The following ASTN2 variants were observed in gnomAD, a reference collection of about 807,000 sequenced individuals.
The protein encoded by ASTN2 is astrotactin-2.
A neutral mutation model predicts 139.8 loss-of-function variants in ASTN2; 54 were observed. The ratio of observed to expected loss-of-function variants is 0.39; its 90% CI spans 0.31 to 0.48. ASTN2 has a LOEUF of 0.48. Ranked by LOEUF, ASTN2 falls within the 20% of genes least tolerant of loss-of-function variation. The pLI is 0.95. For missense variants in ASTN2, 1,565 were observed against 1,725.1 expected, an observed-to-expected ratio of 0.91 and a Z score of 1.64; for synonymous variants, 756 against 719.5, an observed-to-expected ratio of 1.05 and a Z score of -0.81.
At chr9:117,230,377 C>CA (rs1373315859) in intron 2 of ASTN2, among the ~76,000 whole-genome samples, 1 of 152,108 alleles carries the variant, frequency 6.6e-6, no homozygotes, top group Non-Finnish European at 1.5e-5. Context: ...AGCATCATTC[C>CA]AATCTGTCTC....
chr9:117,079,263 G>A (rs1023894684), intron 5 of ASTN2, among the ~76,000 whole-genome samples: 1 of 152,178 alleles, frequency 6.6e-6, no homozygotes, highest in Non-Finnish European at 1.5e-5. Flanking sequence ...GGCTGGGGAA[G>A]GAGGATTGCC....
At chr9:117,310,014 T>C (rs922902394) in intron 1 of ASTN2, among the ~76,000 whole-genome samples, 1 of 152,186 alleles carries the variant, frequency 6.6e-6, no homozygotes, top group African/African-American at 2.4e-5. Flanking sequence ...CTGAGCCTGT[T>C]TCTTCATCTC....
In ASTN2 at chr9:117,366,553, C is replaced by T. The variant is rs139304912; in HGVS notation, c.442+47944G>A. 1.6e-3 allele frequency among the ~76,000 whole-genome samples: 249 copies of T among 152,182 alleles called. 2 individuals are homozygous for T. Among genetic ancestry groups the T allele is most frequent in the African/African-American group, 5.9e-3 (244 of 41,576 alleles). ...ATGATCTTTTCATAAGAAATCCCCC[C>T]TCTCTCTAACTCCTCTGAGAACACA... On this transcript the variant is annotated intron_variant, in intron 1 of 22. Transcript: ENST00000313400.
At chr9:117,295,060 A>T (rs1333736563) in intron 1 of ASTN2, among the ~76,000 whole-genome samples, 1 of 152,162 alleles carries the variant, frequency 6.6e-6, no homozygotes, top group African/African-American at 2.4e-5. Flanking sequence ...AGTGGCTCAC[A>T]CCTGTAATCT....
intron 2 of ASTN2, among the ~76,000 whole-genome samples, chr9:117,233,902 A>G (rs939059577): frequency 3.3e-5 from 5 of 152,166 alleles, no homozygotes; most frequent in African/African-American, 1.2e-4. Flanking sequence ...TAAAAAATAT[A>G]TAGGTTAATT....
intron 10 of ASTN2, among the ~76,000 whole-genome samples, chr9:116,932,864 G>A (rs1335893529): frequency 6.6e-6 from 1 of 151,890 alleles, no homozygotes; most frequent in Admixed American, 6.5e-5. Context: ...AAATTAGCTG[G>A]GCATGGTGGC....
At chr9:116,558,200 C>A (rs1229299838) in intron 19 of ASTN2, among the ~76,000 whole-genome samples, 2 of 152,126 alleles carry the variant, frequency 1.3e-5, no homozygotes, top group Non-Finnish European at 2.9e-5. Context: ...TGTGATGTTG[C>A]AGACAAGCTG....
intron 2 of ASTN2, among the ~76,000 whole-genome samples, chr9:117,260,522 A>G (rs1386537926): frequency 6.6e-6 from 1 of 152,178 alleles, no homozygotes; most frequent in Admixed American, 6.5e-5. Context: ...CAAAAACCAT[A>G]TACAATCAAG....
At chr9:117,150,466 C>T (rs1250333089) in intron 3 of ASTN2, among the ~76,000 whole-genome samples, 6 of 152,180 alleles carry the variant, frequency 3.9e-5, no homozygotes, top group Non-Finnish European at 7.3e-5. Context: ...TAGACATCTT[C>T]GGTCTAAGGC....
chr9:116,518,628 G>A (rs1439088643), intron 19 of ASTN2, among the ~76,000 whole-genome samples: 2 of 151,936 alleles, frequency 1.3e-5, no homozygotes, highest in Non-Finnish European at 2.9e-5. Context: ...AGATATTCAG[G>A]CAACAAATAG....
chr9:116,570,395 CTT>C (rs11365850), intron 19 of ASTN2, among the ~76,000 whole-genome samples: 3 of 147,904 alleles, frequency 2.0e-5, no homozygotes, highest in Admixed American at 6.8e-5. Context: ...CTTTTAGTCT[CTT>C]TTTTTTTTTG....
chr9:117,019,452 TA>T (rs1837808824), intron 6 of ASTN2, among the ~76,000 whole-genome samples: 1 of 152,120 alleles, frequency 6.6e-6, no homozygotes, highest in African/African-American at 2.4e-5. Flanking sequence ...AACAGCTGCC[TA>T]AATATACAAT....
At chr9:116,601,326 T>C (rs1465109044) in intron 19 of ASTN2, among the ~76,000 whole-genome samples, 1 of 152,248 alleles carries the variant, frequency 6.6e-6, no homozygotes, top group African/African-American at 2.4e-5. Flanking sequence ...TTAAAAGGTT[T>C]AAATTAGAAG....
chr9:116,640,296 CATAAA>C (rs1223365127), intron 17 of ASTN2, among the ~76,000 whole-genome samples: 2 of 151,842 alleles, frequency 1.3e-5, no homozygotes, highest in South Asian at 2.1e-4. Flanking sequence ...CTGTTATGAC[CATAAA>C]ATAAAATAAT....
At chr9:117,172,358 C>T (rs769086945) in intron 3 of ASTN2, among the ~76,000 whole-genome samples, 5 of 151,770 alleles carry the variant, frequency 3.3e-5, no homozygotes, top group Admixed American at 2.6e-4. Context: ...TTTCAAAGGC[C>T]ACTGTATCGG....
intron 13 of ASTN2, among the ~76,000 whole-genome samples, chr9:116,753,797 T>TA (rs1485940553): frequency 1.1e-4 from 16 of 148,084 alleles, no homozygotes; most frequent in African/African-American, 4.3e-4. Flanking sequence ...ACCTTTTTTT[T>TA]TTATTATTAT....
intron 19 of ASTN2, among the ~76,000 whole-genome samples, chr9:116,559,517 G>A (rs1852802164): frequency 6.6e-6 from 1 of 152,120 alleles, no homozygotes; most frequent in Non-Finnish European, 1.5e-5. Flanking sequence ...GTTTGTGTAT[G>A]TACATGTCTA....
In ASTN2 at chr9:117,414,898, GA is replaced by G; in HGVS notation, c.40del (p.Ser14ArgfsTer52). The G allele has an allele frequency of 1.4e-6, 1 of 739,064 alleles. No homozygotes were observed. The highest frequency in any genetic ancestry group is 1.7e-6 in the Non-Finnish European group (1 of 573,426). 45.8% of individuals were successfully genotyped at this position (739,064 alleles called of 1,614,324 possible). On this transcript the variant is annotated frameshift_variant, in exon 1 of 23. Transcript: ENST00000313400. LOFTEE classifies it high-confidence loss of function. The surrounding 1 kb of genome is among the most constrained non-coding windows in gnomAD (Gnocchi z 4.2). ...AGARLSPGPGSGLRGRPRLCF... is the reference protein window; with the variant it reads ...AGARLSPGPGXGLRGRPRLCF... Reference sequence around the variant, plus strand: ...GAGCCTCGGCCGCCCCCGGAGCCCCGAGCCGGGGCCGGGGCTGAGCCGGGCG... The same window carrying G: ...GAGCCTCGGCCGCCCCCGGAGCCCCGGCCGGGGCCGGGGCTGAGCCGGGCG...
intron 10 of ASTN2, among the ~76,000 whole-genome samples, chr9:116,944,406 C>G (rs1378577092): frequency 1.3e-5 from 2 of 151,998 alleles, no homozygotes; most frequent in Non-Finnish European, 2.9e-5. Context: ...GCAGGCCAGG[C>G]ACGGTGGCTC....
Sources: allele counts gnomAD v4.1 joint callset (sites outside exome capture counted in the v4.1 genomes callset), GRCh38; gene constraint gnomAD v4.1.1; non-coding constraint Gnocchi (gnomAD v3.1); transcripts MANE v1.5; gene names NCBI Gene and HGNC (gene_info 2026-07-23, HGNC 2026-07-21).